The following IGF2BP3 variants were observed in gnomAD, a reference collection of about 807,000 sequenced individuals.
The protein encoded by IGF2BP3 is insulin-like growth factor 2 mRNA-binding protein 3.
IGF2BP3 carries 9 observed loss-of-function variants against 73.8 expected under a neutral mutation model. The ratio of observed to expected loss-of-function variants is 0.12; its 90% CI spans 0.07 to 0.21. IGF2BP3 has a LOEUF of 0.21. Among genes scored for constraint, IGF2BP3 ranks in the 10% least tolerant of loss-of-function variants. The pLI is 1.00. For missense variants in IGF2BP3, 542 were observed against 714.0 expected (o/e 0.76, Z 2.75); for synonymous variants, 258 against 256.7 (o/e 1.01, Z -0.05).
intron 3 of IGF2BP3, among the ~76,000 whole-genome samples, chr7:23,372,110 G>A (rs1242188929): frequency 1.3e-5 from 2 of 150,724 alleles, no homozygotes; most frequent in African/African-American, 4.9e-5. Context: ...GTCTCACTCT[G>A]TCACCCAGGC....
chr7:23,361,249 T>C (rs1487066491), intron 5 of IGF2BP3: 7 of 271,324 alleles, frequency 2.6e-5, no homozygotes, highest in Non-Finnish European at 4.9e-5. Flanking sequence ...TTGGCAACAA[T>C]ACCAAGGCCC....
chr7:23,448,434 G>A lies in IGF2BP3; in HGVS notation c.236+20048C>T, dbSNP rs115412681. 7.9e-3 allele frequency among the ~76,000 whole-genome samples: 1,198 copies of A among 152,204 alleles called. 13 individuals are homozygous for A. Among genetic ancestry groups the A allele is most frequent in the African/African-American group, 0.027 (1,140 of 41,510 alleles). ...TTTTCAAAAATACATTTTAGAGACA[G>A]GATCTCACTCTGTTGCTCAGGCTGG... On this transcript the variant is annotated intron_variant, in intron 2 of 14. Transcript: ENST00000258729.
chr7:23,315,326 T>G (rs1302819423), intron 12 of IGF2BP3, among the ~76,000 whole-genome samples: 1 of 152,090 alleles, frequency 6.6e-6, no homozygotes. Flanking sequence ...CAGGCTGGTC[T>G]GGAACTCCTG....
intron 12 of IGF2BP3, among the ~76,000 whole-genome samples, chr7:23,315,323 G>C (rs1007943043): frequency 1.3e-5 from 2 of 151,968 alleles, no homozygotes; most frequent in Admixed American, 1.3e-4. Flanking sequence ...GGCCAGGCTG[G>C]TCTGGAACTC....
chr7:23,351,687 C>G, intron 5 of IGF2BP3, 101 bp from the exon 6 acceptor site: 2 of 1,289,706 alleles, frequency 1.6e-6, no homozygotes, highest in Middle Eastern at 5.2e-4. Flanking sequence ...ATTACTAGCT[C>G]TAAACTTCTG....
chr7:23,347,087 G>T (rs574106205), intron 7 of IGF2BP3, among the ~76,000 whole-genome samples: 1 of 152,048 alleles, frequency 6.6e-6, no homozygotes, highest in Non-Finnish European at 1.5e-5. Flanking sequence ...TGTTCTGTAC[G>T]CTAAACGTGG....
chr7:23,403,221 T>G (rs1049002015), intron 3 of IGF2BP3, among the ~76,000 whole-genome samples: 5 of 152,226 alleles, frequency 3.3e-5, no homozygotes, highest in Non-Finnish European at 5.9e-5. Flanking sequence ...ACCACTAAAC[T>G]GAGAGCACAC....
chr7:23,424,992 G>A (rs541762430), intron 2 of IGF2BP3, among the ~76,000 whole-genome samples: 1 of 152,262 alleles, frequency 6.6e-6, no homozygotes, highest in African/African-American at 2.4e-5. Context: ...AGCATGCCAT[G>A]CTGAACTACT....
Position 23,383,105 on chromosome 7 carries a change from T to G in IGF2BP3, c.286-21364A>C, listed in dbSNP as rs1195142588. ...AAACACACCTAAGCAAAGCCATGTG[T>G]GGAAACAATATAACTACATAGTATT... On this transcript the variant is annotated intron_variant, in intron 3 of 14. Transcript: ENST00000258729. Among the ~76,000 whole-genome samples the G allele has an allele frequency of 2.6e-5, 4 of 151,944 alleles. No homozygotes were observed. The East Asian group carries it at 7.8e-4, about 30-fold the overall frequency.
At chr7:23,327,841 A>G (rs947313908) in intron 10 of IGF2BP3, among the ~76,000 whole-genome samples, 1 of 152,160 alleles carries the variant, frequency 6.6e-6, no homozygotes, top group Non-Finnish European at 1.5e-5. Context: ...GTGAGCCCAG[A>G]GCAGAGGCAA....
intron 7 of IGF2BP3, among the ~76,000 whole-genome samples, chr7:23,346,727 G>A (rs958642307): frequency 1.3e-5 from 2 of 151,776 alleles, no homozygotes; most frequent in African/African-American, 4.8e-5. Context: ...CAAGTGGCTG[G>A]GACTACAGGC....
intron 2 of IGF2BP3, among the ~76,000 whole-genome samples, chr7:23,431,507 A>G (rs1174926881): frequency 6.6e-6 from 1 of 152,202 alleles, no homozygotes; most frequent in Non-Finnish European, 1.5e-5. Flanking sequence ...CAGGTCAAAA[A>G]TCCCTATGAA....
Position 23,367,617 on chromosome 7 carries a change from TA to T in IGF2BP3, c.286-5877del, listed in dbSNP as rs550303558. Among the ~76,000 whole-genome samples, 16 of 152,150 alleles carry T rather than the reference TA, an allele frequency of 1.1e-4. No homozygotes were observed. The East Asian group carries it at 3.1e-3, about 29-fold the overall frequency. Reference sequence around the variant, plus strand: ...GGGAGGAAGGGGTATAAATGCAAAGTAAAGCCTCATAGAAAATGTCTTTCTA... The same window carrying T: ...GGGAGGAAGGGGTATAAATGCAAAGTAAGCCTCATAGAAAATGTCTTTCTA... On this transcript the variant is annotated intron_variant, in intron 3 of 14. Transcript: ENST00000258729.
chr7:23,322,725 A>C (rs1051001400), intron 10 of IGF2BP3, among the ~76,000 whole-genome samples: 8 of 152,228 alleles, frequency 5.3e-5, no homozygotes, highest in Non-Finnish European at 4.4e-5. Context: ...CAGATCTCTC[A>C]GCAGAAACTC....
chr7:23,401,943 C>A (rs1226610043), intron 3 of IGF2BP3, among the ~76,000 whole-genome samples: 1 of 151,956 alleles, frequency 6.6e-6, no homozygotes. Flanking sequence ...ATGGCAAAAC[C>A]CCATCTCTAC....
chr7:23,440,079 C>T lies in IGF2BP3; in HGVS notation c.237-21255G>A, dbSNP rs184989501. On this transcript the variant is annotated intron_variant, in intron 2 of 14. Transcript: ENST00000258729. ...GAGATCGAGACCATCCTGGCTAATA[C>T]GGTGAAACCCCGTCTCTACTAAAAA... Among the ~76,000 whole-genome samples, 89 of 152,086 alleles carry T rather than the reference C, an allele frequency of 5.9e-4. 2 individuals are homozygous for T. In the East Asian group the frequency reaches 9.1e-3, roughly 16 times the overall value.
chr7:23,384,526 A>G (rs1786020231), intron 3 of IGF2BP3, among the ~76,000 whole-genome samples: 1 of 152,194 alleles, frequency 6.6e-6, no homozygotes, highest in African/African-American at 2.4e-5. Flanking sequence ...CAACCCCAAC[A>G]AAAGATATAT....
intron 7 of IGF2BP3, among the ~76,000 whole-genome samples, chr7:23,347,143 T>C (rs145809044): frequency 5.3e-5 from 8 of 152,020 alleles, no homozygotes; most frequent in Middle Eastern, 3.4e-3. Context: ...AGAAATAGAG[T>C]TCCCGCCTGC....
intron 3 of IGF2BP3, chr7:23,366,051 C>A (rs988888092): frequency 6.6e-6 from 1 of 152,110 alleles, no homozygotes; most frequent in African/African-American, 2.4e-5. Flanking sequence ...AAAATTTTCA[C>A]TGCATATATT....
Sources: gnomAD v4.1 joint callset for allele counts (sites outside exome capture counted in the v4.1 genomes callset) on GRCh38, gnomAD v4.1.1 for gene constraint, MANE v1.5 for transcripts, NCBI Gene and HGNC (gene_info 2026-07-23, HGNC 2026-07-21) for gene names.